Variants in DYM observed in about 807,000 individuals in gnomAD.
DYM encodes dymeclin, also known as dyggve-Melchior-Clausen syndrome protein.
A neutral mutation model predicts 93.1 loss-of-function variants in DYM; 78 were observed. The ratio of observed to expected loss-of-function variants is 0.84; its 90% CI spans 0.70 to 1.01. The LOEUF is 1.01. DYM is among the 50% of genes least tolerant of loss of function. The pLI is 0.00. For synonymous variants in DYM, 321 were observed against 319.7 expected (o/e 1.00, Z -0.04); for missense variants, 789 against 845.0 (o/e 0.93, Z 0.82).
chr18:49,440,916 T>A (rs796368109), intron 1 of DYM, among the ~76,000 whole-genome samples: 199 of 16,148 alleles, frequency 0.012, 21 homozygotes, highest in Non-Finnish European at 0.015. Flanking sequence ...TATATTATAT[T>A]TTATATAATA....
At chr18:49,456,447 T>C (rs1291260774) in intron 1 of DYM, among the ~76,000 whole-genome samples, 2 of 152,206 alleles carry the variant, frequency 1.3e-5, no homozygotes, top group African/African-American at 4.8e-5. Flanking sequence ...AGTGACTGAC[T>C]CAACCTAACA....
At position 49,203,871 on chromosome 18, in the gene DYM, TAAAAAA is replaced by T. The variant is rs71165370; in HGVS notation, c.1625+5674_1625+5679del. Among the ~76,000 whole-genome samples, 7 of 63,534 alleles carry T rather than the reference TAAAAAA, an allele frequency of 1.1e-4. 1 individual carries two copies. The highest frequency in any genetic ancestry group is 1.4e-3 in the South Asian group (2 of 1,384). The allele number at this position is 63,534 out of a possible 152,430, so 41.7% of individuals were successfully genotyped here. A position where few individuals can be genotyped will look rare whatever the true frequency, so the allele number is the denominator to read the frequency against. ...CAATAAAAAAATAAATTTAAAAAAG[TAAAAAA>T]AAAAAAAAAAAAAAAAAAAAACAAC... On this transcript the variant is annotated intron_variant, in intron 14 of 17. Transcript: ENST00000675505.
rs992339764 is a variant in DYM at position 49,041,084 on chromosome 18, T to G, written c.*2971A>C. Among the ~76,000 whole-genome samples, 6 of 152,214 alleles carry G rather than the reference T, an allele frequency of 3.9e-5. No individual in the cohort carries two copies. Among genetic ancestry groups the G allele is most frequent in the African/African-American group, 1.2e-4 (5 of 41,456 alleles). On this transcript the variant is annotated 3_prime_UTR_variant, in exon 18 of 18. Transcript: ENST00000675505. ...CCTTCAGGGACCTTCTCTTCTTTCC[T>G]TTCTCTGTCTTTGTCCTTGAGCTGT... is the stretch of plus-strand genomic sequence containing the variant.
chr18:49,102,913 T>C (rs964619797), intron 16 of DYM, among the ~76,000 whole-genome samples: 6 of 152,216 alleles, frequency 3.9e-5, no homozygotes, highest in African/African-American at 1.2e-4. Flanking sequence ...TCATTTATAA[T>C]CCTTTGGGTA....
chr18:49,246,474 T>C (rs1441767965), intron 13 of DYM, among the ~76,000 whole-genome samples: 1 of 152,198 alleles, frequency 6.6e-6, no homozygotes, highest in African/African-American at 2.4e-5. Flanking sequence ...AATATCACAA[T>C]TTTGTAAAAG....
intron 6 of DYM, among the ~76,000 whole-genome samples, chr18:49,354,312 A>G (rs1291828768): frequency 1.3e-5 from 2 of 152,144 alleles, no homozygotes. Context: ...TATGGTGATG[A>G]CTTTTTGGAT....
rs2091876942 is a variant in DYM, at chr18:49,200,165, CA to C, written c.1625+9385del. 2.0e-5 allele frequency among the ~76,000 whole-genome samples: 3 copies of C among 151,770 alleles called. No homozygotes were observed. In the South Asian group the frequency reaches 6.2e-4, roughly 32 times the overall value. On this transcript the variant is annotated intron_variant, in intron 14 of 17. Transcript: ENST00000675505. ...TAGAGGGAAAAAAGGAAAGAAAATCCAAAGACATACATGTAACTTAGGGGTG... is the reference window on the plus strand; with the variant it reads ...TAGAGGGAAAAAAGGAAAGAAAATCCAAGACATACATGTAACTTAGGGGTG...
intron 17 of DYM, among the ~76,000 whole-genome samples, chr18:49,087,103 C>G (rs1215348080): frequency 6.6e-6 from 1 of 152,150 alleles, no homozygotes; most frequent in Non-Finnish European, 1.5e-5. Flanking sequence ...AACCAGGAAG[C>G]AGTCCCTTAC....
intron 13 of DYM, among the ~76,000 whole-genome samples, chr18:49,232,372 T>C (rs2093722299): frequency 6.6e-6 from 1 of 151,686 alleles, no homozygotes; most frequent in African/African-American, 2.4e-5. Flanking sequence ...AGTGGCGCGA[T>C]CTCGGCTCAC....
At chr18:49,302,034 A>C in intron 8 of DYM, among the ~76,000 whole-genome samples, 1 of 152,248 alleles carries the variant, frequency 6.6e-6, no homozygotes, top group Non-Finnish European at 1.5e-5. Context: ...AAATAATGGA[A>C]TCATAAAACT....
intron 16 of DYM, among the ~76,000 whole-genome samples, chr18:49,106,167 C>T (rs536881155): frequency 6.6e-6 from 1 of 152,130 alleles, no homozygotes; most frequent in Admixed American, 6.5e-5. Context: ...ATGTAATGGC[C>T]TTCTTTCTCT....
intron 9 of DYM, among the ~76,000 whole-genome samples, chr18:49,284,315 T>G (rs961479910): frequency 6.6e-6 from 1 of 152,210 alleles, no homozygotes; most frequent in Non-Finnish European, 1.5e-5. Flanking sequence ...TTACATGGAA[T>G]GTAATAAATG....
intron 17 of DYM, among the ~76,000 whole-genome samples, chr18:49,085,452 G>A (rs548573359): frequency 6.6e-6 from 1 of 152,054 alleles, no homozygotes; most frequent in Admixed American, 6.5e-5. Context: ...TCTTCAAGTG[G>A]GGCAAGTAGA....
intron 14 of DYM, among the ~76,000 whole-genome samples, chr18:49,186,190 C>T (rs1335862888): frequency 1.3e-5 from 2 of 152,112 alleles, no homozygotes; most frequent in African/African-American, 4.8e-5. Context: ...TTAATAATCA[C>T]TTTATTTTTT....
At chr18:49,318,472 A>C (rs1243897934) in intron 8 of DYM, among the ~76,000 whole-genome samples, 2 of 151,968 alleles carry the variant, frequency 1.3e-5, no homozygotes, top group Non-Finnish European at 2.9e-5. Flanking sequence ...AATTACAAAA[A>C]TTAATTGGGC....
intron 16 of DYM, among the ~76,000 whole-genome samples, chr18:49,114,337 A>C (rs919094214): frequency 6.6e-6 from 1 of 152,360 alleles, no homozygotes; most frequent in East Asian, 1.9e-4. Context: ...TAAGAACTGC[A>C]TAACAGCATA....
intron 6 of DYM, among the ~76,000 whole-genome samples, chr18:49,341,780 C>T (rs2064175259): frequency 6.6e-6 from 1 of 152,128 alleles, no homozygotes; most frequent in South Asian, 2.1e-4. Flanking sequence ...CTTTCTTATT[C>T]CTAGCTCCTC....
At chr18:49,329,823 G>T (rs1044085336) in intron 8 of DYM, 5 of 152,176 alleles carry the variant, frequency 3.3e-5, no homozygotes, top group African/African-American at 1.2e-4. Context: ...TAATCCAAAT[G>T]AGTTTATAAT....
intron 6 of DYM, among the ~76,000 whole-genome samples, chr18:49,335,698 T>C (rs2063607096): frequency 2.0e-5 from 3 of 152,174 alleles, no homozygotes; most frequent in Non-Finnish European, 4.4e-5. Context: ...GCTTTTCACC[T>C]GGGTCAGAGT....
Sources: gnomAD v4.1 joint callset for allele counts (sites outside exome capture counted in the v4.1 genomes callset) on GRCh38, gnomAD v4.1.1 for gene constraint, MANE v1.5 for transcripts, NCBI Gene and HGNC (gene_info 2026-07-23, HGNC 2026-07-21) for gene names.